UROC1: variants seen among roughly 807,000 people sequenced by gnomAD.
The protein encoded by UROC1 is urocanate hydratase.
Under a neutral mutation model 89.5 loss-of-function variants are expected in UROC1, and 79 were observed. The ratio of observed to expected loss-of-function variants is 0.88; its 90% CI spans 0.74 to 1.06. The LOEUF (loss-of-function observed/expected upper bound fraction) is 1.06, where lower values mean the gene tolerates loss of function less well. UROC1 is among the 50% of genes least tolerant of loss of function. The pLI, the probability that UROC1 is intolerant of heterozygous loss-of-function variation, is 0.00. For missense variants in UROC1, 885 were observed against 907.8 expected (o/e 0.97, Z 0.32); for synonymous variants, 361 against 354.8 (o/e 1.02, Z -0.20).
In UROC1 at chr3:126,504,219, A is replaced by G; in HGVS notation, c.814-136T>C. On this transcript the variant is annotated intron_variant, in intron 8 of 19. Coordinates refer to ENST00000290868, the MANE Select transcript of UROC1 (RefSeq NM_144639.3). Reference sequence around the variant, plus strand: ...TTTCTATAACACAGTCTCAGGGAAGACACCATGAGCTGCCCTCCCTCTATT... The same window carrying G: ...TTTCTATAACACAGTCTCAGGGAAGGCACCATGAGCTGCCCTCCCTCTATT... 3.6e-6 allele frequency: 3 copies of G among 838,688 alleles called. No individual in the cohort carries two copies. The South Asian group carries it at 4.4e-5, about 12-fold the overall frequency. 52.0% of individuals were successfully genotyped at this position (838,688 alleles called of 1,614,324 possible). A position where few individuals can be genotyped will look rare whatever the true frequency, so the allele number is the denominator to read the frequency against.
At chr3:126,507,645 G>T in intron 6 of UROC1, 97 bp downstream of exon 6, 1 of 1,261,004 alleles carries the variant, frequency 7.9e-7, no homozygotes, top group Non-Finnish European at 1.2e-6. Flanking sequence ...CTGTGACTAT[G>T]TCTTTCAAAA....
intron 8 of UROC1, among the ~76,000 whole-genome samples, chr3:126,504,808 T>C (rs1936016840): frequency 6.6e-6 from 1 of 152,096 alleles, no homozygotes; most frequent in Admixed American, 6.6e-5. Flanking sequence ...CTTCCCTTCC[T>C]CTCCTTAGCA....
intron 4 of UROC1, 114 bp downstream of exon 4, chr3:126,508,302 C>A: frequency 1.5e-6 from 2 of 1,373,990 alleles, no homozygotes; most frequent in South Asian, 2.4e-5. Flanking sequence ...GAGCCTCAGG[C>A]ACCAGGGAGG....
intron 1 of UROC1, among the ~76,000 whole-genome samples, chr3:126,514,274 C>T (rs1175126428): frequency 2.0e-5 from 3 of 152,200 alleles, no homozygotes; most frequent in Non-Finnish European, 4.4e-5. Context: ...GGGACACAGA[C>T]GCTGGCCATC....
intron 1 of UROC1, 90 bp downstream of exon 1, chr3:126,517,504 C>T: frequency 1.3e-5 from 21 of 1,604,450 alleles, no homozygotes; most frequent in Non-Finnish European, 1.7e-5. Context: ...GCAGCTCCCA[C>T]TAAGAGGGCA....
chr3:126,502,722 TTA>T (rs1470669035), intron 9 of UROC1, among the ~76,000 whole-genome samples: 1 of 150,904 alleles, frequency 6.6e-6, no homozygotes, highest in Non-Finnish European at 1.5e-5. Flanking sequence ...GTGTTGTGTG[TTA>T]TGTGTCTGTT....
chr3:126,501,371 AC>A, intron 9 of UROC1, 91 bp from the exon 10 acceptor site: 1 of 1,494,008 alleles, frequency 6.7e-7, no homozygotes, highest in South Asian at 1.1e-5. Context: ...ACAGGGGCAG[AC>A]CCAGGAGGCC....
At chr3:126,492,207 G>A (rs1935670979) in intron 16 of UROC1, among the ~76,000 whole-genome samples, 1 of 152,208 alleles carries the variant, frequency 6.6e-6, no homozygotes, top group South Asian at 2.1e-4. Flanking sequence ...CCTAAAGAGG[G>A]GGAAGTTTGG....
At chr3:126,503,952 CGTGTCAG>C (rs758676482) in intron 9 of UROC1, 36 bp downstream of exon 9, 11 of 1,610,148 alleles carry the variant, frequency 6.8e-6, no homozygotes, top group African/African-American at 2.7e-5. Flanking sequence ...CCTGCTGCCA[CGTGTCAG>C]GTGTCAGGTG....
intron 9 of UROC1, among the ~76,000 whole-genome samples, chr3:126,502,336 TGTGC>T (rs1935946358): frequency 6.6e-6 from 1 of 150,874 alleles, no homozygotes; most frequent in South Asian, 2.1e-4. Context: ...ATGTGTGTTG[TGTGC>T]GTTTGTGTGT....
chr3:126,509,557 G>A, intron 3 of UROC1, 28 bp downstream of exon 3: 1 of 1,533,008 alleles, frequency 6.5e-7, no homozygotes, highest in South Asian at 1.2e-5. Flanking sequence ...GCTGGACAGT[G>A]CTGGGCCTCG....
At chr3:126,503,586 C>T (rs1237742111) in intron 9 of UROC1, among the ~76,000 whole-genome samples, 1 of 152,214 alleles carries the variant, frequency 6.6e-6, no homozygotes, top group Non-Finnish European at 1.5e-5. Flanking sequence ...CGCAGGGCAG[C>T]CCCTATCAGG....
chr3:126,489,461 C>T, intron 16 of UROC1, 86 bp from the exon 17 acceptor site: 1 of 1,059,038 alleles, frequency 9.4e-7, no homozygotes, highest in Admixed American at 1.7e-5. Flanking sequence ...CAGGTCACAC[C>T]AGAACCCGCT....
At chr3:126,495,896 C>T (rs552618034) in intron 15 of UROC1, 142 bp downstream of exon 15, 10 of 783,202 alleles carry the variant, frequency 1.3e-5, no homozygotes, top group African/African-American at 1.2e-4. Context: ...AACAGTCACA[C>T]AGGATCTTGT....
At chr3:126,500,950 C>A in intron 10 of UROC1, 76 bp from the exon 11 acceptor site, 1 of 1,571,838 alleles carries the variant, frequency 6.4e-7, no homozygotes, top group Non-Finnish European at 8.7e-7. Flanking sequence ...CAGGTGGGGA[C>A]CCTAGCACAT....
Position 126,507,733 on chromosome 3 carries a change from G to C in UROC1, c.602+9C>G. 1 of 1,613,992 alleles carries C rather than the reference G, an allele frequency of 6.2e-7. No individual in the cohort carries two copies. Among genetic ancestry groups the C allele is most frequent in the Non-Finnish European group, 8.5e-7 (1 of 1,179,838 alleles). On this transcript the variant is annotated intron_variant, in intron 6 of 19. Coordinates refer to ENST00000290868, the MANE Select transcript of UROC1 (RefSeq NM_144639.3). ...AACACGGTGTAAACAGACTGAAATAGTGACTTACATTGTAACCCCCAAGGC... is the reference window on the plus strand; with the variant it reads ...AACACGGTGTAAACAGACTGAAATACTGACTTACATTGTAACCCCCAAGGC...
chr3:126,483,970 ACCT>A (rs1167177841), intron 18 of UROC1, among the ~76,000 whole-genome samples: 2 of 151,736 alleles, frequency 1.3e-5, no homozygotes, highest in African/African-American at 4.8e-5. Context: ...TCTTGCTTCG[ACCT>A]CCCAAAATGC....
At chr3:126,511,777 G>A (rs1560128451) in intron 1 of UROC1, among the ~76,000 whole-genome samples, 1 of 152,190 alleles carries the variant, frequency 6.6e-6, no homozygotes, top group South Asian at 2.1e-4. Flanking sequence ...TTCCAAATCC[G>A]AAATACAGCC....
Position 126,505,859 on chromosome 3 carries a change from G to A in UROC1, c.670-15C>T. 6.2e-7 allele frequency: 1 copy of A among 1,613,354 alleles called. No homozygotes were observed. Among genetic ancestry groups the A allele is most frequent in the Non-Finnish European group, 8.5e-7 (1 of 1,179,984 alleles). On this transcript the variant is annotated splice_polypyrimidine_tract_variant and intron_variant, in intron 7 of 19. Coordinates refer to ENST00000290868, the MANE Select transcript of UROC1 (RefSeq NM_144639.3). ...AACACGGTGAGCTGCAGGGAGAAGA[G>A]GTGGGGGCTCACTGCCCACTCCCAG...
Sources: allele counts gnomAD v4.1 joint callset (sites outside exome capture counted in the v4.1 genomes callset), GRCh38; gene constraint gnomAD v4.1.1; transcripts MANE v1.5; gene names NCBI Gene and HGNC (gene_info 2026-07-23, HGNC 2026-07-21).